Variants in BCAR3 observed in about 807,000 individuals in gnomAD.
BCAR3 encodes BCAR3 adaptor protein, NSP family member.
BCAR3 carries 37 observed loss-of-function variants against 80.1 expected under a neutral mutation model. That is an observed-to-expected ratio of 0.46 (90% CI 0.36 to 0.61). The LOEUF (loss-of-function observed/expected upper bound fraction) is 0.61, where lower values mean the gene tolerates loss of function less well. Among genes scored for constraint, BCAR3 ranks in the 20% least tolerant of loss-of-function variants. The pLI, the probability that BCAR3 is intolerant of heterozygous loss-of-function variation, is 0.00. For missense variants in BCAR3, 978 were observed against 1,068.2 expected, an observed-to-expected ratio of 0.92 and a Z score of 1.18; for synonymous variants, 389 against 418.9, an observed-to-expected ratio of 0.93 and a Z score of 0.87.
At chr1:93,760,608 T>TA (rs11365595) in intron 2 of BCAR3, among the ~76,000 whole-genome samples, 3,650 of 149,384 alleles carry the variant, frequency 0.024, 153 homozygotes, top group African/African-American at 0.086. Context: ...TAAATTAGCT[T>TA]AAAAAAAAAA....
In BCAR3 at chr1:93,597,913, T is replaced by C. The variant is rs774491070; in HGVS notation, c.358-5520A>G. ...GGGACTGGTCCTAGCTTGCTGGGAC[T>C]GGCTCCAAGAAATCATAAATATCAC... is the stretch of plus-strand genomic sequence containing the variant. On this transcript the variant is annotated intron_variant, in intron 3 of 11. Transcript: ENST00000260502. Among the ~76,000 whole-genome samples, 10 of 152,354 alleles carry C rather than the reference T, an allele frequency of 6.6e-5. 1 individual carries two copies. In the South Asian group the frequency reaches 8.3e-4, roughly 13 times the overall value.
At chr1:93,772,075 G>A (rs1652373738) in intron 2 of BCAR3, among the ~76,000 whole-genome samples, 1 of 152,158 alleles carries the variant, frequency 6.6e-6, no homozygotes, top group Admixed American at 6.5e-5. Flanking sequence ...AATATGATTT[G>A]TTCTAGCCTC....
rs1650967294 is a variant in BCAR3, at chr1:93,736,272, C to T, written c.-62-30130G>A. Among the ~76,000 whole-genome samples the T allele has an allele frequency of 2.6e-5, 4 of 152,188 alleles. No individual in the cohort carries two copies. The South Asian group carries it at 6.2e-4, about 24-fold the overall frequency. ...GCGCGATCTCGGCTTACTGCAACCT[C>T]CACCTCCCTGGTTCAAGCTATTCTC... On this transcript the variant is annotated intron_variant, in intron 2 of 13. Coordinates refer to the BCAR3 transcript ENST00000370244.
rs142287095 is a variant in BCAR3, at chr1:93,788,829, A to G, written c.-63+56738T>C. 6.0e-3 allele frequency among the ~76,000 whole-genome samples: 918 copies of G among 152,260 alleles called. 1 individual carries two copies. Among genetic ancestry groups the G allele is most frequent in the Non-Finnish European group, 7.6e-3 (517 of 68,022 alleles). On this transcript the variant is annotated intron_variant, in intron 2 of 13. Coordinates refer to the BCAR3 transcript ENST00000370244. ...CATGCCAAGTCACTGCTCAGTCCCA[A>G]CTACCACCCAGAGTCCCACTGAGTC...
At chr1:93,723,221 A>T (rs1364893723) in intron 2 of BCAR3, 1 of 152,248 alleles carries the variant, frequency 6.6e-6, no homozygotes, top group Non-Finnish European at 1.5e-5. Context: ...AGTGGTTTGC[A>T]GGGAGATTTG....
chr1:93,728,608 G>C lies in BCAR3; in HGVS notation c.-62-22466C>G, dbSNP rs550824275. ...GGAAGCCAAAAAGGGATGGAGTCAGGCTACTTAGCTGCCCGGGCTCTCCTC... is the reference window on the plus strand; with the variant it reads ...GGAAGCCAAAAAGGGATGGAGTCAGCCTACTTAGCTGCCCGGGCTCTCCTC... On this transcript the variant is annotated intron_variant, in intron 2 of 13. Coordinates refer to the BCAR3 transcript ENST00000370244. Among the ~76,000 whole-genome samples the C allele has an allele frequency of 2.5e-3, 379 of 152,280 alleles. 1 individual carries two copies. The highest frequency in any genetic ancestry group is 8.6e-3 in the African/African-American group (358 of 41,546).
intron 1 of BCAR3, chr1:93,846,891 C>T (rs1655224021): frequency 2.1e-6 from 1 of 472,090 alleles, no homozygotes; most frequent in Non-Finnish European, 4.3e-6. Flanking sequence ...GGCTCTGGGT[C>T]TGTGGGGAGC....
chr1:93,805,408 A>G (rs1055160364), intron 2 of BCAR3, among the ~76,000 whole-genome samples: 1 of 152,258 alleles, frequency 6.6e-6, no homozygotes, highest in African/African-American at 2.4e-5. Flanking sequence ...TTAAAGTTCT[A>G]TATGTGCAGC....
chr1:93,604,912 T>G (rs181988156), intron 3 of BCAR3, among the ~76,000 whole-genome samples: 3 of 152,310 alleles, frequency 2.0e-5, no homozygotes, highest in Admixed American at 2.0e-4. Context: ...TCTCCATCCC[T>G]TCTTGACCCC....
intron 2 of BCAR3, among the ~76,000 whole-genome samples, chr1:93,656,801 G>A (rs960611766): frequency 3.3e-5 from 5 of 151,972 alleles, no homozygotes; most frequent in Admixed American, 2.0e-4. Context: ...ACAGGGTCTC[G>A]CTATGTTGAG....
intron 3 of BCAR3, among the ~76,000 whole-genome samples, chr1:93,622,572 G>C (rs1030718948): frequency 6.6e-6 from 1 of 152,178 alleles, no homozygotes; most frequent in African/African-American, 2.4e-5. Context: ...CAGAATCTGA[G>C]AAGAACCAGG....
intron 2 of BCAR3, among the ~76,000 whole-genome samples, chr1:93,841,958 C>A (rs113027046): frequency 1.3e-5 from 2 of 152,146 alleles, no homozygotes; most frequent in Admixed American, 1.3e-4. Context: ...TTCTACCCTG[C>A]GCCCTAGCCA....
chr1:93,750,784 A>G (rs770671029), intron 2 of BCAR3, among the ~76,000 whole-genome samples: 16 of 152,138 alleles, frequency 1.1e-4, no homozygotes, highest in Non-Finnish European at 1.5e-4. Flanking sequence ...GGCTCAAGAC[A>G]TGTGAGTGAA....
intron 2 of BCAR3, among the ~76,000 whole-genome samples, chr1:93,837,771 C>A (rs1158109257): frequency 6.6e-6 from 1 of 152,188 alleles, no homozygotes; most frequent in Non-Finnish European, 1.5e-5. Flanking sequence ...ATTCTAGGTG[C>A]CATCTGTAAT....
chr1:93,817,656 A>G (rs1336994583), intron 2 of BCAR3, among the ~76,000 whole-genome samples: 1 of 151,818 alleles, frequency 6.6e-6, no homozygotes, highest in African/African-American at 2.4e-5. Flanking sequence ...AGCATTCCCA[A>G]TCTTACTCCT....
At chr1:93,740,106 G>A (rs1248690323) in intron 2 of BCAR3, among the ~76,000 whole-genome samples, 1 of 152,124 alleles carries the variant, frequency 6.6e-6, no homozygotes, top group Non-Finnish European at 1.5e-5. Context: ...GATACGTGGT[G>A]GCACAAAATC....
intron 2 of BCAR3, among the ~76,000 whole-genome samples, chr1:93,812,681 G>A (rs933721559): frequency 5.3e-5 from 8 of 152,198 alleles, no homozygotes; most frequent in African/African-American, 1.9e-4. Context: ...GGTCAACCCT[G>A]GACCTCTTTG....
chr1:93,691,937 C>T (rs775956093), intron 3 of BCAR3, among the ~76,000 whole-genome samples: 5 of 152,192 alleles, frequency 3.3e-5, no homozygotes, highest in Non-Finnish European at 7.4e-5. Context: ...ATGTGGACAA[C>T]TCTTAAAGCT....
intron 3 of BCAR3, among the ~76,000 whole-genome samples, chr1:93,620,111 GC>G (rs993439601): frequency 6.6e-6 from 1 of 152,062 alleles, no homozygotes; most frequent in Non-Finnish European, 1.5e-5. Context: ...CAGGGCACAC[GC>G]CCACCCACAC....
Sources: gnomAD v4.1 joint callset for allele counts (sites outside exome capture counted in the v4.1 genomes callset) on GRCh38, gnomAD v4.1.1 for gene constraint, MANE v1.5 for transcripts, NCBI Gene and HGNC (gene_info 2026-07-23, HGNC 2026-07-21) for gene names.